The following TTC6 variants were observed in gnomAD, a reference collection of about 807,000 sequenced individuals.
TTC6 encodes tetratricopeptide repeat domain 6, also known as tetratricopeptide repeat protein 6.
TTC6 carries 172 observed loss-of-function variants against 210.4 expected under a neutral mutation model. The observed-to-expected ratio is 0.82, with a 90% CI of 0.72 to 0.93. The LOEUF (loss-of-function observed/expected upper bound fraction) is 0.93, where lower values mean the gene tolerates loss of function less well. Ranked by LOEUF, TTC6 falls within the 40% of genes least tolerant of loss-of-function variation. The pLI, the probability that TTC6 is intolerant of heterozygous loss-of-function variation, is 0.00. For missense variants in TTC6, 2,414 were observed against 2,318.1 expected, an observed-to-expected ratio of 1.04 and a Z score of -0.85; for synonymous variants, 804 against 819.6, an observed-to-expected ratio of 0.98 and a Z score of 0.32.
chr14:37,722,988 A>C (rs565330142), intron 6 of TTC6, among the ~76,000 whole-genome samples: 2 of 152,090 alleles, frequency 1.3e-5, no homozygotes, highest in Non-Finnish European at 2.9e-5. Flanking sequence ...TTACTCAGTC[A>C]TTTATTTATA....
At chr14:37,824,344 T>G (rs747089698) in intron 27 of TTC6, among the ~76,000 whole-genome samples, 21 of 152,188 alleles carry the variant, frequency 1.4e-4, no homozygotes, top group Non-Finnish European at 2.6e-4. Context: ...TTTGTCCTGT[T>G]GCATTAGTGA....
intron 8 of TTC6, among the ~76,000 whole-genome samples, chr14:37,736,999 C>T (rs2095903395): frequency 6.6e-6 from 1 of 152,108 alleles, no homozygotes; most frequent in African/African-American, 2.4e-5. Context: ...CTTAAGTGAT[C>T]CTCCTGCCTC....
In TTC6 at chr14:37,666,592, G is replaced by T. The variant is rs1219214911; in HGVS notation, c.940-13559G>T. 1.3e-5 allele frequency among the ~76,000 whole-genome samples: 2 copies of T among 150,518 alleles called. 1 individual carries two copies. The highest frequency in any genetic ancestry group is 3.0e-5 in the Non-Finnish European group (2 of 67,096). On this transcript the variant is annotated intron_variant, in intron 1 of 30. Coordinates refer to ENST00000553443, the Ensembl canonical transcript of TTC6. Reference sequence around the variant, plus strand: ...GGAGATTTCTTGCTTCTCTCAGAGGGTGGCTCTTTTGTCAAACTGCCCATT... The same window carrying T: ...GGAGATTTCTTGCTTCTCTCAGAGGTTGGCTCTTTTGTCAAACTGCCCATT...
At chr14:37,740,890 A>G (rs981556292) in intron 10 of TTC6, among the ~76,000 whole-genome samples, 7 of 152,178 alleles carry the variant, frequency 4.6e-5, no homozygotes, top group Non-Finnish European at 8.8e-5. Context: ...TTTGGCCACA[A>G]CCTAAATGAC....
intron 1 of TTC6, among the ~76,000 whole-genome samples, chr14:37,605,465 G>A (rs1467246635): frequency 3.0e-5 from 3 of 101,670 alleles, no homozygotes; most frequent in Non-Finnish European, 6.8e-5. Context: ...GGATTGGTAT[G>A]TGGGTGAGTG....
rs750956473 is a variant in TTC6 at position 37,827,190 on chromosome 14, C to G, written c.5128-6C>G. 1 of 1,607,866 alleles carries G rather than the reference C, an allele frequency of 6.2e-7. No individual in the cohort carries two copies. Among genetic ancestry groups the G allele is most frequent in the South Asian group, 1.1e-5 (1 of 90,240 alleles). On this transcript the variant is annotated splice_polypyrimidine_tract_variant and splice_region_variant and intron_variant, in intron 28 of 30. Coordinates refer to ENST00000553443, the Ensembl canonical transcript of TTC6. ...AATGTTAAATAATCATAATATTATA[C>G]TGCAGATCAGTACTACAGCAGAATT...
exon 23 of TTC6, chr14:37,807,432 A>G (rs1446163347): frequency 8.6e-6 from 13 of 1,515,866 alleles, no homozygotes; most frequent in Non-Finnish European, 1.1e-5. Context: ...GCCTATCTCT[A>G]CAGAGGAGTT....
At chr14:37,787,934 C>G (rs866000034) in intron 15 of TTC6, among the ~76,000 whole-genome samples, 1 of 145,120 alleles carries the variant, frequency 6.9e-6, no homozygotes, top group Non-Finnish European at 1.5e-5. Flanking sequence ...TTAACTGTGG[C>G]AAGGGGAGAA....
intron 7 of TTC6, among the ~76,000 whole-genome samples, chr14:37,729,138 G>A (rs1224905747): frequency 1.3e-5 from 2 of 151,982 alleles, no homozygotes; most frequent in Middle Eastern, 3.2e-3. Flanking sequence ...TAGTCAAAGT[G>A]TATGTATATT....
chr14:37,838,323 G>A (rs527275355), intron 29 of TTC6, among the ~76,000 whole-genome samples: 1 of 152,260 alleles, frequency 6.6e-6, no homozygotes, highest in South Asian at 2.1e-4. Context: ...ATGTGATCAA[G>A]TGCTGGGATG....
chr14:37,834,385 A>G (rs951648471), intron 29 of TTC6, among the ~76,000 whole-genome samples: 9 of 151,798 alleles, frequency 5.9e-5, no homozygotes, highest in African/African-American at 2.2e-4. Context: ...TCTTTTTATT[A>G]TTATTGTCTG....
At chr14:37,660,056 G>C (rs920612655) in intron 1 of TTC6, among the ~76,000 whole-genome samples, 2 of 152,048 alleles carry the variant, frequency 1.3e-5, no homozygotes, top group Non-Finnish European at 2.9e-5. Flanking sequence ...TAGGTTGTCT[G>C]TTCACTCTGT....
chr14:37,778,312 C>A (rs1015892415), intron 14 of TTC6, among the ~76,000 whole-genome samples: 2 of 149,172 alleles, frequency 1.3e-5, no homozygotes, highest in Admixed American at 6.6e-5. Context: ...CCTTCATGTG[C>A]GTGTTCTTAT....
chr14:37,840,276 C>T (rs2096207006), intron 29 of TTC6, among the ~76,000 whole-genome samples: 1 of 152,090 alleles, frequency 6.6e-6, no homozygotes, highest in Admixed American at 6.5e-5. Context: ...TACACCCTCC[C>T]AAGACTAAAC....
chr14:37,752,684 C>T (rs1390118393), intron 13 of TTC6, among the ~76,000 whole-genome samples: 7 of 152,016 alleles, frequency 4.6e-5, no homozygotes, highest in Non-Finnish European at 7.4e-5. Context: ...CAATTCTCTT[C>T]CCCATTTTAA....
intron 10 of TTC6, 55 bp downstream of exon 12, chr14:37,739,210 T>G: frequency 7.2e-7 from 1 of 1,382,184 alleles, no homozygotes; most frequent in Non-Finnish European, 9.5e-7. Context: ...GTTTTGACCT[T>G]AATTTTATAA....
intron 1 of TTC6, among the ~76,000 whole-genome samples, chr14:37,632,703 T>C (rs945441675): frequency 2.0e-5 from 3 of 152,192 alleles, no homozygotes; most frequent in African/African-American, 4.8e-5. Context: ...TTAAGTCTGC[T>C]CAAGCTGCAC....
At chr14:37,663,038 C>T (rs988467932) in intron 1 of TTC6, among the ~76,000 whole-genome samples, 4 of 151,774 alleles carry the variant, frequency 2.6e-5, no homozygotes, top group African/African-American at 7.3e-5. Flanking sequence ...AATGTTTTTC[C>T]GTTTGTTTTT....
At chr14:37,604,124 G>A (rs1029254526) in intron 1 of TTC6, among the ~76,000 whole-genome samples, 2 of 152,164 alleles carry the variant, frequency 1.3e-5, no homozygotes, top group African/African-American at 2.4e-5. Context: ...CATTCTCTGC[G>A]TTGTCGCAGT....
Sources: allele counts gnomAD v4.1 joint callset (sites outside exome capture counted in the v4.1 genomes callset), GRCh38; gene constraint gnomAD v4.1.1; transcripts MANE v1.5; gene names NCBI Gene and HGNC (gene_info 2026-07-23, HGNC 2026-07-21).